The following CCDC88A variants were observed in gnomAD, a reference collection of about 807,000 sequenced individuals.
The protein encoded by CCDC88A is coiled-coil and HOOK domain protein 88A.
Under a neutral mutation model 234.3 loss-of-function variants are expected in CCDC88A, and 54 were observed. That is an observed-to-expected ratio of 0.23 (90% CI 0.19 to 0.29). CCDC88A has a LOEUF of 0.29. Among genes scored for constraint, CCDC88A ranks in the 10% least tolerant of loss-of-function variants. The pLI, the probability that CCDC88A is intolerant of heterozygous loss-of-function variation, is 1.00. For missense variants in CCDC88A, 1,832 were observed against 2,123.4 expected, an observed-to-expected ratio of 0.86 and a Z score of 2.70; for synonymous variants, 753 against 737.8, an observed-to-expected ratio of 1.02 and a Z score of -0.33.
At chr2:55,331,776 C>CTT in intron 16 of CCDC88A, 2 of 152,218 alleles carry the variant, frequency 1.3e-5, no homozygotes, top group East Asian at 3.9e-4. Context: ...TTTTATCCAG[C>CTT]TTTTAAGGCT....
At chr2:55,294,983 TG>T in intron 31 of CCDC88A, 3 of 1,199,464 alleles carry the variant, frequency 2.5e-6, no homozygotes, top group Non-Finnish European at 3.2e-6. Context: ...AATGATATTT[TG>T]TTAACAGCAA....
At chr2:55,326,601 C>T (rs1288890967) in intron 17 of CCDC88A, among the ~76,000 whole-genome samples, 1 of 152,190 alleles carries the variant, frequency 6.6e-6, no homozygotes, top group Non-Finnish European at 1.5e-5. Flanking sequence ...CTCACTCTGT[C>T]ACCCAGACTG....
intron 18 of CCDC88A, among the ~76,000 whole-genome samples, chr2:55,321,856 G>C (rs545641104): frequency 6.6e-6 from 1 of 151,660 alleles, no homozygotes; most frequent in South Asian, 2.1e-4. Flanking sequence ...TAGAAATCAT[G>C]GTGTGGGGAT....
chr2:55,302,835 C>T (rs866345395), intron 26 of CCDC88A: 22 of 281,562 alleles, frequency 7.8e-5, no homozygotes, highest in East Asian at 5.5e-4. Context: ...TGGAAATTTA[C>T]GAGTAAGTTA....
intron 26 of CCDC88A, 123 bp downstream of exon 26, chr2:55,302,946 T>C (rs1681075191): frequency 1.5e-6 from 1 of 669,480 alleles, no homozygotes. Context: ...CTCCTTATAT[T>C]AGAGGAAGAC....
At chr2:55,303,372 CAAT>C (rs1681120149) in intron 25 of CCDC88A, among the ~76,000 whole-genome samples, 3 of 149,448 alleles carry the variant, frequency 2.0e-5, no homozygotes, top group African/African-American at 4.9e-5. Context: ...GCACTGAAGA[CAAT>C]GATGAGGAAC....
At chr2:55,411,709 G>A (rs999749628) in intron 2 of CCDC88A, among the ~76,000 whole-genome samples, 2 of 142,776 alleles carry the variant, frequency 1.4e-5, no homozygotes, top group Non-Finnish European at 3.0e-5. Flanking sequence ...GAACCTGGGA[G>A]AAGGAGGTTG....
intron 3 of CCDC88A, among the ~76,000 whole-genome samples, chr2:55,376,776 T>C (rs574813023): frequency 6.6e-6 from 1 of 152,338 alleles, no homozygotes; most frequent in Non-Finnish European, 1.5e-5. Context: ...CAAGAGAGAA[T>C]ATGCTATAAC....
intron 22 of CCDC88A, chr2:55,314,585 A>C (rs1358384352): frequency 6.6e-6 from 1 of 152,152 alleles, no homozygotes; most frequent in African/African-American, 2.4e-5. Flanking sequence ...TTGTATATTT[A>C]GTAGAGATGC....
At chr2:55,367,459 G>C (rs1672142468) in intron 5 of CCDC88A, among the ~76,000 whole-genome samples, 1 of 148,556 alleles carries the variant, frequency 6.7e-6, no homozygotes, top group Non-Finnish European at 1.5e-5. Flanking sequence ...CTCCCTCTTT[G>C]AGCTATATTT....
At chr2:55,344,326 T>G (rs769453522) in intron 11 of CCDC88A, 42 bp downstream of exon 11, 5 of 1,420,904 alleles carry the variant, frequency 3.5e-6, no homozygotes, top group African/African-American at 1.4e-5. Context: ...CTTAGAAGTT[T>G]TCCTTAAAGG....
chr2:55,322,854 C>G (rs994670127), intron 17 of CCDC88A, 162 bp from the exon 18 acceptor site: 1 of 425,146 alleles, frequency 2.4e-6, no homozygotes, highest in Non-Finnish European at 4.1e-6. Context: ...AAATGTAAAT[C>G]CTTTCCTCCT....
chr2:55,402,360 C>G (rs960662797), intron 2 of CCDC88A, among the ~76,000 whole-genome samples: 1 of 152,078 alleles, frequency 6.6e-6, no homozygotes, highest in Admixed American at 6.6e-5. Flanking sequence ...GGTTGTGATA[C>G]ATTGTTTTGC....
Position 55,301,868 on chromosome 2 carries a change from A to G in CCDC88A, c.4672+4T>C, listed in dbSNP as rs759212329. ...CCACAGTGCAAATAGCAGACAGCCT[A>G]TACCTTTATTATTAACCAACTGCTT... is the stretch of plus-strand genomic sequence containing the variant. On this transcript the variant is annotated splice_donor_region_variant and intron_variant, in intron 27 of 32. Transcript: ENST00000436346. 5.0e-6 allele frequency: 8 copies of G among 1,612,978 alleles called. No individual in the cohort carries two copies. The Admixed American group carries it at 1.0e-4, about 20-fold the overall frequency.
intron 31 of CCDC88A, chr2:55,294,926 G>C (rs1321474972): frequency 8.4e-7 from 1 of 1,184,382 alleles, no homozygotes; most frequent in Admixed American, 3.9e-5. Flanking sequence ...ATCATGTACA[G>C]CTGAACACTG....
intron 18 of CCDC88A, among the ~76,000 whole-genome samples, chr2:55,320,149 A>G (rs1410822981): frequency 6.6e-6 from 1 of 152,148 alleles, no homozygotes; most frequent in Non-Finnish European, 1.5e-5. Context: ...TGTGTACTAG[A>G]AAAAATAAAA....
rs867274604 is a variant in CCDC88A at position 55,317,191 on chromosome 2, A to T, written c.3746+15T>A. Reference sequence around the variant, plus strand: ...CTATATAAAATGTTTGTTATATATAATATATATTTATTACCTATCATTTTC... The same window carrying T: ...CTATATAAAATGTTTGTTATATATATTATATATTTATTACCTATCATTTTC... On this transcript the variant is annotated intron_variant, in intron 21 of 32. Coordinates refer to ENST00000436346, the MANE Select transcript of CCDC88A (RefSeq NM_001365480.1). The surrounding 1 kb of genome is among the most constrained non-coding windows in gnomAD (Gnocchi z 4.2). The T allele has an allele frequency of 1.8e-6, 2 of 1,137,102 alleles. No individual in the cohort carries two copies. The highest frequency in any genetic ancestry group is 3.2e-5 in the African/African-American group (2 of 63,006). The allele number at this position is 1,137,102 out of a possible 1,614,324, so 70.4% of individuals were successfully genotyped here.
chr2:55,384,622 T>TACAC (rs1675260479), intron 3 of CCDC88A, among the ~76,000 whole-genome samples: 1 of 26,286 alleles, frequency 3.8e-5, no homozygotes, highest in Non-Finnish European at 6.5e-5. Flanking sequence ...TATATATACG[T>TACAC]ATATATATGT....
chr2:55,296,368 A>T lies in CCDC88A; in HGVS notation c.4981T>A (p.Ser1661Thr), dbSNP rs144009079. ...TGATGTCGACTCTCCAGTGTTTCAG[A>T]TATTTTGTGCTGGAGCACTGGGCTT... ...RSSPVLQHKI[S>T]ETLESRHHKI... The change falls in exon 30 of 33, where the codon TCT (serine) becomes ACT (threonine). Residue 1661 changes from serine to threonine, a missense_variant. Physicochemically the swap from Ser to Thr is moderately conservative, Grantham distance 58 (BLOSUM62 1). Coordinates refer to ENST00000436346, the MANE Select transcript of CCDC88A (RefSeq NM_001365480.1). 1 of 1,614,122 alleles carries T rather than the reference A, an allele frequency of 6.2e-7. No homozygotes were observed. Among genetic ancestry groups the T allele is most frequent in the Admixed American group, 1.7e-5 (1 of 60,018 alleles).
Sources: gnomAD v4.1 joint callset for allele counts (sites outside exome capture counted in the v4.1 genomes callset) on GRCh38, gnomAD v4.1.1 for gene constraint, Gnocchi (gnomAD v3.1) non-coding constraint, MANE v1.5 for transcripts, NCBI Gene and HGNC (gene_info 2026-07-23, HGNC 2026-07-21) for gene names.